The following SLC44A5 variants were observed in gnomAD, a reference collection of about 807,000 sequenced individuals.
The protein encoded by SLC44A5 is solute carrier family 44 member 5.
Under a neutral mutation model 101.8 loss-of-function variants are expected in SLC44A5, and 57 were observed. The observed-to-expected ratio is 0.56, with a 90% CI of 0.45 to 0.70. SLC44A5 has a LOEUF of 0.70. Ranked by LOEUF, SLC44A5 falls within the 30% of genes least tolerant of loss-of-function variation. The pLI, the probability that SLC44A5 is intolerant of heterozygous loss-of-function variation, is 0.00. For missense variants in SLC44A5, 737 were observed against 853.1 expected (o/e 0.86, Z 1.70); for synonymous variants, 281 against 290.9 (o/e 0.97, Z 0.35).
At chr1:75,496,783 G>C (rs1451830439) in intron 2 of SLC44A5, among the ~76,000 whole-genome samples, 1 of 151,988 alleles carries the variant, frequency 6.6e-6, no homozygotes, top group South Asian at 2.1e-4. Flanking sequence ...GAACTTAATA[G>C]CAAAAATACA....
chr1:75,655,731 C>T, the SLC44A5 span, among the ~76,000 whole-genome samples: 2 of 152,258 alleles, frequency 1.3e-5, no homozygotes, highest in African/African-American at 4.8e-5. Flanking sequence ...CAGTAAAGCA[C>T]AGCATTGGGC....
At chr1:75,478,150 C>A (rs1440084022) in intron 2 of SLC44A5, among the ~76,000 whole-genome samples, 1 of 152,128 alleles carries the variant, frequency 6.6e-6, no homozygotes, top group South Asian at 2.1e-4. Flanking sequence ...TCCAGCCAAA[C>A]TAAGCTTCAT....
Position 75,587,899 on chromosome 1 carries a change from C to A in SLC44A5, c.-70+23141G>T, listed in dbSNP as rs368786222. 3.9e-5 allele frequency among the ~76,000 whole-genome samples: 6 copies of A among 152,202 alleles called. No individual in the cohort carries two copies. In the South Asian group the frequency reaches 1.0e-3, roughly 26 times the overall value. On this transcript the variant is annotated intron_variant, in intron 1 of 23. Coordinates refer to ENST00000370859, the MANE Select transcript of SLC44A5 (RefSeq NM_001130058.2). Reference sequence around the variant, plus strand: ...TTACTGCGTCTGGCACTCGCAGGTTCCCCTGCTCTCACTCTCTCTCTCTCT... The same window carrying A: ...TTACTGCGTCTGGCACTCGCAGGTTACCCTGCTCTCACTCTCTCTCTCTCT...
intron 3 of SLC44A5, among the ~76,000 whole-genome samples, chr1:75,358,757 A>G (rs1000199374): frequency 1.3e-5 from 2 of 152,204 alleles, no homozygotes; most frequent in Admixed American, 6.5e-5. Flanking sequence ...TGAATGGGAT[A>G]TGATGTGATG....
At chr1:75,334,160 T>C (rs1657267885) in intron 4 of SLC44A5, among the ~76,000 whole-genome samples, 2 of 152,214 alleles carry the variant, frequency 1.3e-5, no homozygotes, top group African/African-American at 4.8e-5. Flanking sequence ...TTCATTTCTT[T>C]GCTTTATATA....
intron 8 of SLC44A5, 72 bp downstream of exon 8, chr1:75,242,814 A>G (rs1024504367): frequency 1.3e-6 from 2 of 1,488,540 alleles, no homozygotes; most frequent in Non-Finnish European, 9.0e-7. Flanking sequence ...TCAGTAACAA[A>G]TTCTCACGTT....
chr1:75,297,150 CT>C (rs1319606433), intron 5 of SLC44A5, among the ~76,000 whole-genome samples: 1 of 152,128 alleles, frequency 6.6e-6, no homozygotes, highest in Non-Finnish European at 1.5e-5. Flanking sequence ...ATAATTACCC[CT>C]GGGAAAGGTT....
At position 75,416,255 on chromosome 1, in the gene SLC44A5, A is replaced by G. The variant is rs566309623; in HGVS notation, c.14-19634T>C. ...GCTCTGTGTCCCAGCTGCTTTCACCATGGCTGAAAGGGGCCAATGTAGAGT... is the reference window on the plus strand; with the variant it reads ...GCTCTGTGTCCCAGCTGCTTTCACCGTGGCTGAAAGGGGCCAATGTAGAGT... On this transcript the variant is annotated intron_variant, in intron 2 of 23. Coordinates refer to ENST00000370859, the MANE Select transcript of SLC44A5 (RefSeq NM_001130058.2). Among the ~76,000 whole-genome samples the G allele has an allele frequency of 4.6e-5, 7 of 152,218 alleles. No homozygotes were observed. In the South Asian group the frequency reaches 1.0e-3, roughly 23 times the overall value.
Position 75,305,761 on chromosome 1 carries a change from T to C in SLC44A5, c.102-5076A>G, listed in dbSNP as rs146715449. Among the ~76,000 whole-genome samples, 754 of 152,318 alleles carry C rather than the reference T, an allele frequency of 5.0e-3. 4 individuals carry two copies. Among genetic ancestry groups the C allele is most frequent in the African/African-American group, 0.017 (724 of 41,586 alleles). ...CCGTTAACAATGTTTCCATTTACTC[T>C]CAAAAAAGCTCCAGTGTGGATCGCC... On this transcript the variant is annotated intron_variant, in intron 4 of 23. Coordinates refer to ENST00000370859, the MANE Select transcript of SLC44A5 (RefSeq NM_001130058.2).
intron 8 of SLC44A5, among the ~76,000 whole-genome samples, chr1:75,242,309 T>C (rs1648705342): frequency 6.6e-6 from 1 of 152,038 alleles, no homozygotes; most frequent in Non-Finnish European, 1.5e-5. Context: ...GGAACACCTT[T>C]GGAGGTGTGT....
intron 2 of SLC44A5, among the ~76,000 whole-genome samples, chr1:75,514,887 T>C (rs964421083): frequency 6.6e-6 from 1 of 152,230 alleles, no homozygotes; most frequent in African/African-American, 2.4e-5. Flanking sequence ...TTCAGGTACA[T>C]GGACCCTATG....
intron 2 of SLC44A5, among the ~76,000 whole-genome samples, chr1:75,475,407 A>T (rs1431128802): frequency 6.6e-6 from 1 of 152,206 alleles, no homozygotes; most frequent in African/African-American, 2.4e-5. Context: ...CCAACCCTCA[A>T]TTAGCGATTG....
intron 3 of SLC44A5, among the ~76,000 whole-genome samples, chr1:75,363,906 T>C (rs936734596): frequency 3.3e-5 from 5 of 152,172 alleles, no homozygotes; most frequent in African/African-American, 1.2e-4. Context: ...AGGTTTTGTG[T>C]TCCTCATTCC....
Position 75,515,638 on chromosome 1 carries a change from C to A in SLC44A5, c.13+25797G>T, listed in dbSNP as rs138228359. Among the ~76,000 whole-genome samples, 89 of 152,290 alleles carry A rather than the reference C, an allele frequency of 5.8e-4. 3 individuals are homozygous for A. In the East Asian group the frequency reaches 0.015, roughly 26 times the overall value. On this transcript the variant is annotated intron_variant, in intron 2 of 23. Coordinates refer to ENST00000370859, the MANE Select transcript of SLC44A5 (RefSeq NM_001130058.2). Reference sequence around the variant, plus strand: ...CTTCTTTAAGGCTGAACACTTATTTCATTTTTTTAATCCATTCATCTGTTG... The same window carrying A: ...CTTCTTTAAGGCTGAACACTTATTTAATTTTTTTAATCCATTCATCTGTTG...
the SLC44A5 span, among the ~76,000 whole-genome samples, chr1:75,666,858 C>A: frequency 6.6e-6 from 1 of 152,154 alleles, no homozygotes; most frequent in Non-Finnish European, 1.5e-5. Context: ...TCAATAGATG[C>A]AGAAAAGGCA....
At chr1:75,438,351 A>T (rs1450970894) in intron 2 of SLC44A5, among the ~76,000 whole-genome samples, 1 of 152,082 alleles carries the variant, frequency 6.6e-6, no homozygotes, top group Non-Finnish European at 1.5e-5. Context: ...TCTGAAAGAG[A>T]CCCTTCTGCA....
At chr1:75,657,235 C>T in the SLC44A5 span, among the ~76,000 whole-genome samples, 1 of 152,056 alleles carries the variant, frequency 6.6e-6, no homozygotes, top group Non-Finnish European at 1.5e-5. Flanking sequence ...ACTCACTTCA[C>T]ATATAAAGAC....
At chr1:75,248,547 T>C (rs1297083042) in intron 7 of SLC44A5, among the ~76,000 whole-genome samples, 5 of 152,062 alleles carry the variant, frequency 3.3e-5, no homozygotes, top group Non-Finnish European at 4.4e-5. Flanking sequence ...TGAATGCTTG[T>C]ACTTGCTCAG....
At chr1:75,664,717 C>A in the SLC44A5 span, among the ~76,000 whole-genome samples, 4 of 151,958 alleles carry the variant, frequency 2.6e-5, no homozygotes, top group African/African-American at 9.7e-5. Context: ...GTCAGGAGAT[C>A]GAGACTATCC....
Sources: allele counts gnomAD v4.1 joint callset (sites outside exome capture counted in the v4.1 genomes callset), GRCh38; gene constraint gnomAD v4.1.1; transcripts MANE v1.5; gene names NCBI Gene and HGNC (gene_info 2026-07-23, HGNC 2026-07-21).